The following TULP4 variants were observed in gnomAD, a reference collection of about 807,000 sequenced individuals.
TULP4 encodes tubby-related protein 4.
TULP4 carries 16 observed loss-of-function variants against 129.0 expected under a neutral mutation model. That is an observed-to-expected ratio of 0.12 (90% CI 0.08 to 0.19). The LOEUF is 0.19. Ranked by LOEUF, TULP4 falls within the 10% of genes least tolerant of loss-of-function variation. The probability of loss-of-function intolerance (pLI) is 1.00; values close to 1 mark genes in which losing one functional copy is unlikely to be tolerated. For synonymous variants in TULP4, 998 were observed against 854.0 expected (o/e 1.17, Z -2.94); for missense variants, 1,842 against 2,059.1 (o/e 0.89, Z 2.04).
chr6:158,335,932 G>A (rs113710567), intron 1 of TULP4, among the ~76,000 whole-genome samples: 5,259 of 152,316 alleles, frequency 0.035, 105 homozygotes, highest in Non-Finnish European at 0.041. Flanking sequence ...TATGTTGGAC[G>A]TGTATCTTCA....
intron 1 of TULP4, chr6:158,242,426 T>G: frequency 8.7e-7 from 1 of 1,153,808 alleles, no homozygotes; most frequent in South Asian, 1.2e-5. Flanking sequence ...GGACGAGATC[T>G]CTTTATGCCA....
intron 1 of TULP4, among the ~76,000 whole-genome samples, chr6:158,375,455 A>G (rs139639993): frequency 1.3e-5 from 2 of 152,302 alleles, no homozygotes; most frequent in Non-Finnish European, 2.9e-5. Flanking sequence ...GACAGGACAC[A>G]CAGTTCCAGT....
intron 1 of TULP4, among the ~76,000 whole-genome samples, chr6:158,328,534 T>C (rs1779800336): frequency 1.3e-5 from 2 of 152,072 alleles, no homozygotes; most frequent in African/African-American, 2.4e-5. Flanking sequence ...GTGCCTGATG[T>C]TGGTGGAGAG....
chr6:158,236,795 C>CTTTTCTTTTTTTTTTTTTTTTTT (rs1554272522), intron 1 of TULP4, among the ~76,000 whole-genome samples: 10 of 63,302 alleles, frequency 1.6e-4, no homozygotes, highest in Non-Finnish European at 1.9e-4. Context: ...CAATTCTTTT[C>CTTTTCTTTTTTTTTTTTTTTTTT]TTTTTTTTTT....
intron 1 of TULP4, among the ~76,000 whole-genome samples, chr6:158,268,728 G>C (rs1310633701): frequency 3.3e-5 from 5 of 152,204 alleles, no homozygotes; most frequent in Non-Finnish European, 7.3e-5. Context: ...ATTTGATTCT[G>C]TTGGGTTTTC....
intron 1 of TULP4, among the ~76,000 whole-genome samples, chr6:158,360,343 T>C (rs1780756890): frequency 6.6e-6 from 1 of 152,084 alleles, no homozygotes; most frequent in Admixed American, 6.6e-5. Flanking sequence ...CAAATGGAAA[T>C]GGTCGGGAAC....
chr6:158,358,592 C>G (rs1562533702), intron 1 of TULP4, among the ~76,000 whole-genome samples: 1 of 152,156 alleles, frequency 6.6e-6, no homozygotes. Context: ...CAAGTATCCT[C>G]TATAGGCTGG....
intron 1 of TULP4, among the ~76,000 whole-genome samples, chr6:158,302,736 C>T (rs1009869133): frequency 2.0e-5 from 3 of 152,006 alleles, no homozygotes; most frequent in African/African-American, 7.3e-5. Context: ...GGACCGAGAC[C>T]GAGTCCGGGA....
intron 1 of TULP4, among the ~76,000 whole-genome samples, chr6:158,394,647 C>T (rs76131251): frequency 0.23 from 34,184 of 151,022 alleles, 4,822 homozygotes; most frequent in Middle Eastern, 0.33. Flanking sequence ...ATTAGCCGGA[C>T]GTGGTGGCGG....
At chr6:158,274,349 A>G (rs1166665958) in intron 1 of TULP4, among the ~76,000 whole-genome samples, 1 of 152,196 alleles carries the variant, frequency 6.6e-6, no homozygotes, top group East Asian at 1.9e-4. Context: ...TCTAATGAGC[A>G]TCTTAGTGCT....
chr6:158,333,850 CAA>C (rs779237942), intron 1 of TULP4, among the ~76,000 whole-genome samples: 93 of 152,272 alleles, frequency 6.1e-4, no homozygotes, highest in Non-Finnish European at 9.7e-4. Context: ...CTTACACGCA[CAA>C]ACAGACCACA....
intron 2 of TULP4, among the ~76,000 whole-genome samples, chr6:158,427,638 C>A (rs868709743): frequency 6.6e-6 from 1 of 151,412 alleles, no homozygotes; most frequent in Admixed American, 6.6e-5. Context: ...GGACTACAGG[C>A]GCGTGCCACC....
upstream of TULP4, among the ~76,000 whole-genome samples, chr6:158,309,768 A>C (rs1779305084): frequency 6.6e-6 from 1 of 151,990 alleles, no homozygotes; most frequent in Non-Finnish European, 1.5e-5. Flanking sequence ...GCGCGCCTGC[A>C]ATCGCAGGCA....
intron 1 of TULP4, among the ~76,000 whole-genome samples, chr6:158,411,428 G>A (rs1778098459): frequency 6.6e-6 from 1 of 152,052 alleles, no homozygotes; most frequent in South Asian, 2.1e-4. Context: ...CGCTAGATGG[G>A]GCCACCTGGG....
intron 1 of TULP4, among the ~76,000 whole-genome samples, chr6:158,301,005 A>G (rs1779121401): frequency 6.6e-6 from 1 of 152,258 alleles, no homozygotes; most frequent in African/African-American, 2.4e-5. Flanking sequence ...GGGTCCCAGT[A>G]GAGTGGTATG....
At chr6:158,435,218 C>T (rs774571240) in intron 3 of TULP4, among the ~76,000 whole-genome samples, 2 of 152,180 alleles carry the variant, frequency 1.3e-5, no homozygotes, top group African/African-American at 4.8e-5. Context: ...CAGGGTAGCC[C>T]CCTGTCCTGG....
chr6:158,297,031 G>A (rs574055030), intron 1 of TULP4, among the ~76,000 whole-genome samples: 95 of 152,272 alleles, frequency 6.2e-4, no homozygotes, highest in Non-Finnish European at 7.2e-4. Flanking sequence ...ACCAGGGCTG[G>A]TGTTTCCCAA....
At chr6:158,472,378 A>G (rs1040309239) in intron 6 of TULP4, among the ~76,000 whole-genome samples, 4 of 152,320 alleles carry the variant, frequency 2.6e-5, no homozygotes, top group East Asian at 1.9e-4. Flanking sequence ...CTTTGAAGAA[A>G]GATATCCCTA....
intron 3 of TULP4, among the ~76,000 whole-genome samples, chr6:158,443,978 G>C (rs1032618758): frequency 6.6e-6 from 1 of 152,142 alleles, no homozygotes; most frequent in Admixed American, 6.5e-5. Flanking sequence ...CCAGCACTTT[G>C]GGGGGCCAGG....
Sources: gnomAD v4.1 joint callset for allele counts (sites outside exome capture counted in the v4.1 genomes callset) on GRCh38, gnomAD v4.1.1 for gene constraint, MANE v1.5 for transcripts, NCBI Gene and HGNC (gene_info 2026-07-23, HGNC 2026-07-21) for gene names.